The following BMPER variants were observed in gnomAD, a reference collection of about 807,000 sequenced individuals.
The protein encoded by BMPER is BMP binding endothelial regulator, also known as BMP-binding endothelial regulator protein.
A neutral mutation model predicts 87.3 loss-of-function variants in BMPER; 45 were observed. The observed-to-expected ratio is 0.52, with a 90% CI of 0.41 to 0.66. The LOEUF is 0.66. BMPER is among the 30% of genes least tolerant of loss of function. The probability of loss-of-function intolerance (pLI) is 0.00; values close to 1 mark genes in which losing one functional copy is unlikely to be tolerated. For synonymous variants in BMPER, 326 were observed against 316.2 expected (o/e 1.03, Z -0.33); for missense variants, 784 against 867.5 (o/e 0.90, Z 1.21).
At chr7:34,058,273 C>G in intron 10 of BMPER, 110 bp downstream of exon 10, 1 of 1,044,870 alleles carries the variant, frequency 9.6e-7, no homozygotes, top group Non-Finnish European at 1.5e-6. Context: ...CCCAAAGCCT[C>G]TACATTCCTG....
rs1401630645 is a variant in BMPER, at chr7:34,031,911, TATATATATATATATATACACAC to T, written c.577-14393_577-14372del. Reference sequence around the variant, plus strand: ...ATATATATATATATATATATATATATATATATATATATATATACACACACACACACACATATATATACACACA... The same window carrying T: ...ATATATATATATATATATATATATATACACACACACATATATATACACACA... On this transcript the variant is annotated intron_variant, in intron 6 of 14. Transcript: ENST00000649409. 8.3e-3 allele frequency among the ~76,000 whole-genome samples: 1,043 copies of T among 126,424 alleles called. 17 individuals are homozygous for T. Among genetic ancestry groups the T allele is most frequent in the African/African-American group, 0.03 (992 of 32,582 alleles). 82.9% of individuals were successfully genotyped at this position (126,424 alleles called of 152,430 possible). A position where few individuals can be genotyped will look rare whatever the true frequency, so the allele number is the denominator to read the frequency against.
intron 13 of BMPER, among the ~76,000 whole-genome samples, chr7:34,142,316 C>T (rs1790896285): frequency 6.6e-6 from 1 of 152,086 alleles, no homozygotes; most frequent in African/African-American, 2.4e-5. Flanking sequence ...ACTTTGGGCC[C>T]ATGTATTTAT....
In BMPER at chr7:34,020,451, A is replaced by C. The variant is rs558008597; in HGVS notation, c.577-25855A>C. Among the ~76,000 whole-genome samples, 19 of 152,068 alleles carry C rather than the reference A, an allele frequency of 1.2e-4. No homozygotes were observed. In the South Asian group the frequency reaches 2.5e-3, roughly 20 times the overall value. Reference sequence around the variant, plus strand: ...CAATCACCTTTGAAAGTATGTGCAGATCAGAAATGATTAAATTCTAGTGGT... The same window carrying C: ...CAATCACCTTTGAAAGTATGTGCAGCTCAGAAATGATTAAATTCTAGTGGT... On this transcript the variant is annotated intron_variant, in intron 6 of 14. Coordinates refer to ENST00000649409, the MANE Select transcript of BMPER (RefSeq NM_001365308.1).
At chr7:34,129,608 GAA>G (rs377520034) in intron 13 of BMPER, among the ~76,000 whole-genome samples, 121 of 86,434 alleles carry the variant, frequency 1.4e-3, no homozygotes, top group African/African-American at 4.8e-3. Context: ...GAGAGAGAGA[GAA>G]AGAGAGAGAG....
chr7:34,101,264 T>C (rs993841212), intron 13 of BMPER, among the ~76,000 whole-genome samples: 4 of 152,166 alleles, frequency 2.6e-5, no homozygotes, highest in Admixed American at 2.6e-4. Context: ...AACTGTTTAG[T>C]GGAATAGATG....
Position 34,143,659 on chromosome 7 carries a change from C to T in BMPER, c.1876+299C>T, listed in dbSNP as rs79734803. 9.3e-3 allele frequency among the ~76,000 whole-genome samples: 1,416 copies of T among 152,196 alleles called. 14 individuals carry two copies. The highest frequency in any genetic ancestry group is 0.031 in the African/African-American group (1,298 of 41,518). Reference sequence around the variant, plus strand: ...CAGCTGGATATACTTAGCTCATGGGCGGTTATAGCTGTGGCTTAGGTTATG... The same window carrying T: ...CAGCTGGATATACTTAGCTCATGGGTGGTTATAGCTGTGGCTTAGGTTATG... On this transcript the variant is annotated intron_variant, in intron 14 of 14. Coordinates refer to ENST00000649409, the MANE Select transcript of BMPER (RefSeq NM_001365308.1).
intron 2 of BMPER, among the ~76,000 whole-genome samples, chr7:33,932,082 T>C (rs547010985): frequency 9.9e-5 from 15 of 152,154 alleles, no homozygotes; most frequent in Non-Finnish European, 2.2e-4. Context: ...AAGGCTTTGT[T>C]TTTCAGCTTT....
intron 11 of BMPER, among the ~76,000 whole-genome samples, chr7:34,063,699 C>A (rs1383601662): frequency 6.6e-6 from 1 of 152,162 alleles, no homozygotes; most frequent in East Asian, 1.9e-4. Context: ...ATTTAATCAT[C>A]CTTCCAGAAA....
intron 3 of BMPER, among the ~76,000 whole-genome samples, chr7:33,962,255 C>A (rs1785290454): frequency 6.6e-6 from 1 of 152,166 alleles, no homozygotes; most frequent in South Asian, 2.1e-4. Context: ...AGCCAAGCTT[C>A]TCTACAAGAA....
At chr7:33,927,275 G>T (rs1784383951) in intron 2 of BMPER, among the ~76,000 whole-genome samples, 1 of 152,132 alleles carries the variant, frequency 6.6e-6, no homozygotes, top group South Asian at 2.1e-4. Flanking sequence ...GCTTGTTGTT[G>T]ACCCACAGGA....
rs1164719131 is a variant in BMPER at position 34,155,782 on chromosome 7, G to A, written c.*2509G>A. ...CAAGTGCTTCAATGAGAGCAGTCCT[G>A]TTTCATTCACATGGGATGTTTTCAA... On this transcript the variant is annotated 3_prime_UTR_variant, in exon 15 of 15. Transcript: ENST00000649409. 6.6e-6 allele frequency: 1 copy of A among 152,186 alleles called. No individual in the cohort carries two copies. Among genetic ancestry groups the A allele is most frequent in the East Asian group, 1.9e-4 (1 of 5,186 alleles). The allele number at this position is 152,186 out of a possible 1,614,324, so 9.4% of individuals were successfully genotyped here. A position where few individuals can be genotyped will look rare whatever the true frequency, so the allele number is the denominator to read the frequency against.
chr7:34,029,627 C>A (rs2127950388), intron 6 of BMPER, among the ~76,000 whole-genome samples: 1 of 152,202 alleles, frequency 6.6e-6, no homozygotes, highest in East Asian at 1.9e-4. Context: ...TTCTTTGGAT[C>A]TTTATTTCTG....
chr7:34,151,653 C>T (rs1418391991), intron 14 of BMPER, among the ~76,000 whole-genome samples: 1 of 152,186 alleles, frequency 6.6e-6, no homozygotes, highest in East Asian at 1.9e-4. Flanking sequence ...TCATTTACCT[C>T]TATCCCCAAA....
chr7:33,948,791 CT>C (rs1784950187), intron 3 of BMPER, among the ~76,000 whole-genome samples: 1 of 152,172 alleles, frequency 6.6e-6, no homozygotes, highest in African/African-American at 2.4e-5. Context: ...AATTAAAACT[CT>C]TTTCTTTATA....
chr7:34,012,532 A>G (rs1390883838), intron 6 of BMPER, among the ~76,000 whole-genome samples: 6 of 151,958 alleles, frequency 3.9e-5, no homozygotes, highest in Non-Finnish European at 8.8e-5. Flanking sequence ...TCCTTTTCCT[A>G]TTACCTGACA....
chr7:34,129,950 T>C (rs1469335282), intron 13 of BMPER, among the ~76,000 whole-genome samples: 2 of 152,228 alleles, frequency 1.3e-5, no homozygotes, highest in African/African-American at 4.8e-5. Context: ...TTGTCGTATA[T>C]GAATATAAGG....
chr7:34,122,544 G>A (rs1468950993), intron 13 of BMPER, among the ~76,000 whole-genome samples: 3 of 152,172 alleles, frequency 2.0e-5, no homozygotes, highest in Non-Finnish European at 4.4e-5. Flanking sequence ...TAGTGAATTT[G>A]CCTGCACACA....
At chr7:33,929,203 A>G (rs1042950998) in intron 2 of BMPER, among the ~76,000 whole-genome samples, 2 of 152,124 alleles carry the variant, frequency 1.3e-5, no homozygotes, top group Non-Finnish European at 2.9e-5. Context: ...GACAGGAGGG[A>G]AAAAGAATAA....
At chr7:34,054,112 T>C (rs1391753033) in intron 8 of BMPER, among the ~76,000 whole-genome samples, 3 of 152,334 alleles carry the variant, frequency 2.0e-5, no homozygotes, top group East Asian at 1.9e-4. Context: ...GTTTACCACA[T>C]TATAATTGCA....
Sources: allele counts gnomAD v4.1 joint callset (sites outside exome capture counted in the v4.1 genomes callset), GRCh38; gene constraint gnomAD v4.1.1; transcripts MANE v1.5; gene names NCBI Gene and HGNC (gene_info 2026-07-23, HGNC 2026-07-21).